NTM: variants seen among roughly 807,000 people sequenced by gnomAD.
NTM encodes the protein IgLON family member 2.
A neutral mutation model predicts 42.1 loss-of-function variants in NTM; 13 were observed. That is an observed-to-expected ratio of 0.31 (90% CI 0.20 to 0.49). NTM has a LOEUF of 0.49. NTM is among the 20% of genes least tolerant of loss of function. The pLI, the probability that NTM is intolerant of heterozygous loss-of-function variation, is 0.99. For missense variants in NTM, 373 were observed against 452.8 expected, an observed-to-expected ratio of 0.82 and a Z score of 1.60; for synonymous variants, 187 against 179.2, an observed-to-expected ratio of 1.04 and a Z score of -0.35.
chr11:131,587,252 TC>T (rs2058953770), intron 1 of NTM, among the ~76,000 whole-genome samples: 1 of 152,070 alleles, frequency 6.6e-6, no homozygotes, highest in South Asian at 2.1e-4. Context: ...ATCGAGACCA[TC>T]CTGGATAACG....
chr11:132,303,734 A>G (rs1339098833), intron 4 of NTM, among the ~76,000 whole-genome samples: 1 of 144,444 alleles, frequency 6.9e-6, no homozygotes, highest in African/African-American at 2.5e-5. Context: ...AAAAAAAACA[A>G]TCTGTGAAGA....
At chr11:131,954,953 G>T (rs1030169290) in intron 2 of NTM, among the ~76,000 whole-genome samples, 1 of 152,124 alleles carries the variant, frequency 6.6e-6, no homozygotes, top group African/African-American at 2.4e-5. Context: ...AAGTAGTAAT[G>T]CTCAGTGGTG....
chr11:131,482,085 G>A (rs577646487), intron 1 of NTM, among the ~76,000 whole-genome samples: 79 of 152,348 alleles, frequency 5.2e-4, no homozygotes, highest in Middle Eastern at 6.8e-3. Context: ...ATTGGGCCAA[G>A]GGACCCAAGG....
rs532228492 is a variant in NTM, at chr11:131,947,442, G to A, written c.167+35794G>A. 6.6e-5 allele frequency among the ~76,000 whole-genome samples: 10 copies of A among 152,152 alleles called. No individual in the cohort carries two copies. The South Asian group carries it at 1.5e-3, about 22-fold the overall frequency. On this transcript the variant is annotated intron_variant, in intron 2 of 8. Coordinates refer to ENST00000683400, the MANE Select transcript of NTM (RefSeq NM_001352005.2). ...ACCCCTGCCAGACCCTCCCCTCCCC[G>A]GGACTGTCTTCCTGTCTTTATGAAA... is the stretch of plus-strand genomic sequence containing the variant.
intron 1 of NTM, among the ~76,000 whole-genome samples, chr11:131,814,710 G>A (rs961601104): frequency 2.0e-5 from 3 of 152,144 alleles, no homozygotes; most frequent in African/African-American, 4.8e-5. Context: ...CTTGCTGCGC[G>A]TCTTGCGTTT....
intron 1 of NTM, among the ~76,000 whole-genome samples, chr11:131,700,585 C>A (rs758162631): frequency 1.3e-5 from 2 of 152,168 alleles, no homozygotes; most frequent in Non-Finnish European, 2.9e-5. Flanking sequence ...TTACTGTGTG[C>A]CAGGCACATA....
chr11:131,530,035 C>T (rs763925679), intron 1 of NTM, among the ~76,000 whole-genome samples: 7 of 152,166 alleles, frequency 4.6e-5, no homozygotes, highest in Non-Finnish European at 1.0e-4. Context: ...ATCATCCCTC[C>T]CCATTGGATG....
chr11:132,282,958 C>T (rs1341796523), intron 4 of NTM, among the ~76,000 whole-genome samples: 4 of 129,408 alleles, frequency 3.1e-5, no homozygotes, highest in Non-Finnish European at 5.0e-5. Context: ...AGAAATGAAA[C>T]GGGAAATTCC....
intron 1 of NTM, among the ~76,000 whole-genome samples, chr11:131,401,827 T>TAC (rs1945230644): frequency 1.4e-4 from 9 of 63,698 alleles, no homozygotes; most frequent in African/African-American, 6.1e-4. Context: ...TATATATATA[T>TAC]ATATATATAT....
intron 1 of NTM, among the ~76,000 whole-genome samples, chr11:131,505,004 G>T (rs1460227754): frequency 6.6e-6 from 1 of 152,162 alleles, no homozygotes; most frequent in Non-Finnish European, 1.5e-5. Flanking sequence ...GACATGAGTT[G>T]AGGGTGCTGC....
chr11:131,781,071 A>G (rs1426123416), intron 1 of NTM, among the ~76,000 whole-genome samples: 1 of 152,136 alleles, frequency 6.6e-6, no homozygotes, highest in African/African-American at 2.4e-5. Flanking sequence ...CAAAAAAATC[A>G]CTAACTATGA....
rs1456294684 is a variant in NTM, at chr11:131,789,534, A to G, written c.83-122030A>G. Among the ~76,000 whole-genome samples the G allele has an allele frequency of 3.4e-4, 10 of 29,126 alleles. No homozygotes were observed. The East Asian group carries it at 5.6e-3, about 16-fold the overall frequency. 19.1% of individuals were successfully genotyped at this position (29,126 alleles called of 152,430 possible). ...GAAGAAGAAGAAGAAGAAGAAGAAG[A>G]AGAAGAAGAAGAAAAGAAGAAGAAG... On this transcript the variant is annotated intron_variant, in intron 1 of 8. Transcript: ENST00000683400.
chr11:131,770,498 G>A (rs2085889173), intron 1 of NTM, among the ~76,000 whole-genome samples: 1 of 152,220 alleles, frequency 6.6e-6, no homozygotes, highest in South Asian at 2.1e-4. Context: ...TCTTAGGCAA[G>A]TCTGAGAGGA....
At chr11:131,516,298 G>A (rs537757946) in intron 1 of NTM, among the ~76,000 whole-genome samples, 3 of 152,318 alleles carry the variant, frequency 2.0e-5, no homozygotes, top group African/African-American at 4.8e-5. Context: ...TCAGGGGCGT[G>A]TAGTACATTT....
intron 2 of NTM, among the ~76,000 whole-genome samples, chr11:131,971,599 C>G (rs1024775705): frequency 3.4e-4 from 51 of 152,088 alleles, no homozygotes; most frequent in African/African-American, 1.1e-3. Context: ...TATGCTGGAA[C>G]CAACCTGCCT....
intron 1 of NTM, among the ~76,000 whole-genome samples, chr11:131,429,704 G>A (rs541770870): frequency 1.2e-4 from 19 of 152,044 alleles, no homozygotes; most frequent in South Asian, 4.1e-4. Context: ...CAAACAAATG[G>A]TAAAGAATGC....
intron 7 of NTM, among the ~76,000 whole-genome samples, chr11:132,326,162 TA>T (rs1038450525): frequency 3.3e-5 from 5 of 151,738 alleles, no homozygotes; most frequent in African/African-American, 1.2e-4. Context: ...AAACTTAAAG[TA>T]AAATAATAAT....
chr11:131,762,130 A>G (rs1203234604), intron 1 of NTM, among the ~76,000 whole-genome samples: 1 of 152,216 alleles, frequency 6.6e-6, no homozygotes, highest in Non-Finnish European at 1.5e-5. Context: ...CACCAGGTTC[A>G]TTTGTTATCA....
chr11:131,702,460 C>G (rs886251367), intron 1 of NTM, among the ~76,000 whole-genome samples: 3 of 152,176 alleles, frequency 2.0e-5, no homozygotes, highest in African/African-American at 7.2e-5. Flanking sequence ...GACCCAGCAT[C>G]TTGTCCAAGG....
Sources: gnomAD v4.1 joint callset for allele counts (sites outside exome capture counted in the v4.1 genomes callset) on GRCh38, gnomAD v4.1.1 for gene constraint, MANE v1.5 for transcripts, NCBI Gene and HGNC (gene_info 2026-07-23, HGNC 2026-07-21) for gene names.